MACROD2: variants seen among roughly 807,000 people sequenced by gnomAD.
MACROD2 encodes the protein mono-ADP ribosylhydrolase 2, also known as ADP-ribose glycohydrolase MACROD2.
In MACROD2, 36 loss-of-function variants were observed where a neutral mutation model predicts 70.4. The ratio of observed to expected loss-of-function variants is 0.51; its 90% confidence interval spans 0.39 to 0.68. The LOEUF is 0.68. MACROD2 is among the 30% of genes least tolerant of loss of function. MACROD2 has a pLI of 0.00. For missense variants in MACROD2, 496 were observed against 538.4 expected (o/e 0.92, Z 0.78); for synonymous variants, 172 against 178.8 (o/e 0.96, Z 0.30).
chr20:14,574,428 A>T (rs890416440), intron 4 of MACROD2, among the ~76,000 whole-genome samples: 3 of 152,186 alleles, frequency 2.0e-5, no homozygotes, highest in Non-Finnish European at 4.4e-5. Context: ...GTCTGTAGGG[A>T]TAATTGGCAA....
At chr20:15,275,792 C>T (rs1200182033) in intron 6 of MACROD2, among the ~76,000 whole-genome samples, 2 of 152,178 alleles carry the variant, frequency 1.3e-5, no homozygotes, top group East Asian at 3.9e-4. Flanking sequence ...TGTCTCTTAG[C>T]ATTGAAGGTT....
chr20:15,150,839 G>A (rs894390440), intron 5 of MACROD2, among the ~76,000 whole-genome samples: 9 of 152,090 alleles, frequency 5.9e-5, no homozygotes, highest in Admixed American at 4.6e-4. Flanking sequence ...CTAAAAAGGA[G>A]TGCTTAAAAG....
chr20:14,569,242 T>C (rs1457878572), intron 4 of MACROD2, among the ~76,000 whole-genome samples: 1 of 151,982 alleles, frequency 6.6e-6, no homozygotes, highest in African/African-American at 2.4e-5. Context: ...CAAAATAGCA[T>C]ACAGGGAAAA....
At chr20:15,782,328 T>A (rs567391978) in intron 8 of MACROD2, among the ~76,000 whole-genome samples, 2 of 152,248 alleles carry the variant, frequency 1.3e-5, no homozygotes, top group East Asian at 3.9e-4. Flanking sequence ...ATACTTACTA[T>A]TTTCTTCTAA....
intron 9 of MACROD2, among the ~76,000 whole-genome samples, chr20:15,884,236 A>C (rs2064794272): frequency 6.6e-6 from 1 of 152,062 alleles, no homozygotes; most frequent in African/African-American, 2.4e-5. Flanking sequence ...GATTCATTCA[A>C]ACCTGGGGAA....
intron 3 of MACROD2, among the ~76,000 whole-genome samples, chr20:14,429,104 C>G (rs892374221): frequency 4.6e-5 from 7 of 152,150 alleles, no homozygotes; most frequent in Non-Finnish European, 7.4e-5. Flanking sequence ...GAGGGTTCAG[C>G]TTAACCTTCA....
chr20:14,678,247 A>C (rs1162726989), intron 4 of MACROD2, among the ~76,000 whole-genome samples: 1 of 152,152 alleles, frequency 6.6e-6, no homozygotes, highest in South Asian at 2.1e-4. Flanking sequence ...CTGGATGTAG[A>C]AATAGTTATA....
At chr20:14,469,489 G>C (rs149784943) in intron 3 of MACROD2, among the ~76,000 whole-genome samples, 24 of 152,066 alleles carry the variant, frequency 1.6e-4, no homozygotes, top group African/African-American at 5.8e-4. Context: ...AGCTAGGTTG[G>C]GGAAGTTCTG....
intron 2 of MACROD2, among the ~76,000 whole-genome samples, chr20:14,035,891 C>G (rs1444676671): frequency 6.6e-6 from 1 of 152,176 alleles, no homozygotes; most frequent in African/African-American, 2.4e-5. Flanking sequence ...GCCTGTAATC[C>G]CAACACTTTG....
chr20:15,855,463 T>A (rs536488163), intron 8 of MACROD2, among the ~76,000 whole-genome samples: 1 of 152,260 alleles, frequency 6.6e-6, no homozygotes, highest in African/African-American at 2.4e-5. Flanking sequence ...AACCCTGAGG[T>A]CAACAAAAAT....
At chr20:15,322,159 T>A (rs2077880513) in intron 6 of MACROD2, among the ~76,000 whole-genome samples, 1 of 144,100 alleles carries the variant, frequency 6.9e-6, no homozygotes, top group East Asian at 2.0e-4. Flanking sequence ...GCTTCATTAT[T>A]CCTCAAATGG....
At chr20:14,200,947 TG>T (rs1453293862) in intron 3 of MACROD2, among the ~76,000 whole-genome samples, 10 of 34,336 alleles carry the variant, frequency 2.9e-4, no homozygotes, top group Admixed American at 8.1e-4. Flanking sequence ...TTGCTGGTAA[TG>T]TTTTTTTTTT....
intron 7 of MACROD2, among the ~76,000 whole-genome samples, chr20:15,480,073 A>C (rs998169366): frequency 6.6e-6 from 1 of 152,210 alleles, no homozygotes; most frequent in South Asian, 2.1e-4. Flanking sequence ...GCCACAGTAG[A>C]TCCAGAATTT....
intron 3 of MACROD2, among the ~76,000 whole-genome samples, chr20:14,467,866 T>C (rs1349743969): frequency 6.6e-6 from 1 of 152,150 alleles, no homozygotes; most frequent in Non-Finnish European, 1.5e-5. Context: ...TTTCATTATA[T>C]ATCCAGCAGT....
chr20:15,823,351 T>C (rs1371952684), intron 8 of MACROD2, among the ~76,000 whole-genome samples: 3 of 151,420 alleles, frequency 2.0e-5, no homozygotes, highest in Non-Finnish European at 4.4e-5. Context: ...GCAAATCATA[T>C]TTGCAAAATA....
At chr20:15,181,971 T>C (rs1219923406) in intron 5 of MACROD2, among the ~76,000 whole-genome samples, 1 of 151,266 alleles carries the variant, frequency 6.6e-6, no homozygotes, top group African/African-American at 2.4e-5. Context: ...ATTCATCACT[T>C]TGAAAAAAAA....
chr20:15,520,180 T>A (rs996302711), intron 8 of MACROD2, among the ~76,000 whole-genome samples: 1 of 152,260 alleles, frequency 6.6e-6, no homozygotes, highest in African/African-American at 2.4e-5. Context: ...TCTATTTTTT[T>A]CAGTTAATGT....
intron 5 of MACROD2, among the ~76,000 whole-genome samples, chr20:14,890,593 C>A (rs1439014300): frequency 6.6e-6 from 1 of 151,548 alleles, no homozygotes; most frequent in Non-Finnish European, 1.5e-5. Context: ...CATAGTGAGA[C>A]CCCCATCTCT....
At chr20:15,565,047 G>A (rs1197570560) in intron 8 of MACROD2, among the ~76,000 whole-genome samples, 2 of 152,060 alleles carry the variant, frequency 1.3e-5, no homozygotes, top group Non-Finnish European at 2.9e-5. Flanking sequence ...TTAGCTCTGG[G>A]ATATCATGAA....
Sources: gnomAD v4.1 joint callset for allele counts (sites outside exome capture counted in the v4.1 genomes callset) on GRCh38, gnomAD v4.1.1 for gene constraint, MANE v1.5 for transcripts, NCBI Gene and HGNC (gene_info 2026-07-23, HGNC 2026-07-21) for gene names.